Variants in KCTD8 observed in about 807,000 individuals in gnomAD.
KCTD8 encodes the protein potassium channel tetramerization domain containing 8, also known as BTB/POZ domain-containing protein KCTD8.
KCTD8 carries 27 observed loss-of-function variants against 31.5 expected under a neutral mutation model. The ratio of observed to expected loss-of-function variants is 0.86; its 90% CI spans 0.63 to 1.18. The LOEUF (loss-of-function observed/expected upper bound fraction) is 1.18. KCTD8 is among the 50% of genes most tolerant of loss of function. KCTD8 has a pLI of 0.00. For synonymous variants in KCTD8, 290 were observed against 280.0 expected, an observed-to-expected ratio of 1.04 and a Z score of -0.36; for missense variants, 658 against 647.7, an observed-to-expected ratio of 1.02 and a Z score of -0.17.
At chr4:44,182,264 C>G (rs1451277422) in intron 1 of KCTD8, among the ~76,000 whole-genome samples, 7 of 152,160 alleles carry the variant, frequency 4.6e-5, no homozygotes, top group Non-Finnish European at 7.3e-5. Context: ...CCCCTCTGCC[C>G]GGCCACCACC....
chr4:44,346,394 T>C (rs1440596348), intron 1 of KCTD8, among the ~76,000 whole-genome samples: 1 of 152,148 alleles, frequency 6.6e-6, no homozygotes, highest in Admixed American at 6.6e-5. Flanking sequence ...TATTTTAAAT[T>C]CAACTCCCAT....
intron 1 of KCTD8, among the ~76,000 whole-genome samples, chr4:44,180,459 C>A (rs990368337): frequency 6.6e-6 from 1 of 152,064 alleles, no homozygotes; most frequent in African/African-American, 2.4e-5. Flanking sequence ...GGATATCCAT[C>A]CAGGAATGCT....
intron 1 of KCTD8, among the ~76,000 whole-genome samples, chr4:44,186,170 C>G (rs1008353364): frequency 1.3e-5 from 2 of 152,188 alleles, no homozygotes; most frequent in Non-Finnish European, 2.9e-5. Flanking sequence ...GAACAGCACA[C>G]AGGTGGCGAG....
intron 1 of KCTD8, among the ~76,000 whole-genome samples, chr4:44,306,197 TGAA>T (rs1717798776): frequency 6.6e-6 from 1 of 151,772 alleles, no homozygotes. Flanking sequence ...AAATAGAAAA[TGAA>T]GACAAAAACA....
At chr4:44,434,368 C>A (rs140924512) in intron 1 of KCTD8, among the ~76,000 whole-genome samples, 1 of 151,970 alleles carries the variant, frequency 6.6e-6, no homozygotes, top group East Asian at 1.9e-4. Flanking sequence ...ATCCTTGGGG[C>A]AACTCTCTGA....
chr4:44,356,214 C>T (rs1719337888), intron 1 of KCTD8, among the ~76,000 whole-genome samples: 3 of 152,144 alleles, frequency 2.0e-5, no homozygotes, highest in Admixed American at 2.0e-4. Flanking sequence ...GCTTCTCATT[C>T]AACTATAATA....
At chr4:44,424,126 A>G (rs1721288307) in intron 1 of KCTD8, among the ~76,000 whole-genome samples, 3 of 152,108 alleles carry the variant, frequency 2.0e-5, no homozygotes, top group Non-Finnish European at 4.4e-5. Flanking sequence ...TGTCATTATC[A>G]TGAATATCAT....
chr4:44,268,460 A>C (rs1716463864), intron 1 of KCTD8, among the ~76,000 whole-genome samples: 1 of 152,178 alleles, frequency 6.6e-6, no homozygotes, highest in Non-Finnish European at 1.5e-5. Context: ...AAAAACTGGA[A>C]GCATTCCCTT....
At chr4:44,235,113 G>GACAATGATGATGATGATT (rs1381464665) in intron 1 of KCTD8, among the ~76,000 whole-genome samples, 1 of 150,670 alleles carries the variant, frequency 6.6e-6, no homozygotes, top group African/African-American at 2.4e-5. Context: ...TGATGATGAT[G>GACAATGATGATGATGATT]ACAATGATGA....
chr4:44,267,093 T>G (rs1716402085), intron 1 of KCTD8, among the ~76,000 whole-genome samples: 1 of 152,066 alleles, frequency 6.6e-6, no homozygotes, highest in Non-Finnish European at 1.5e-5. Context: ...GAATATACAT[T>G]TTTTTCAGCA....
In KCTD8 at chr4:44,227,667, C is replaced by T. The variant is rs555277822; in HGVS notation, c.962-52417G>A. On this transcript the variant is annotated intron_variant, in intron 1 of 1. Transcript: ENST00000360029. ...ATCTGTGGAGATAAATAATTTAGAACCTCATAAAAATACCATTTAGAAATA... is the reference window on the plus strand; with the variant it reads ...ATCTGTGGAGATAAATAATTTAGAATCTCATAAAAATACCATTTAGAAATA... Among the ~76,000 whole-genome samples the T allele has an allele frequency of 2.0e-5, 3 of 152,164 alleles. No homozygotes were observed. The South Asian group carries it at 6.2e-4, about 32-fold the overall frequency.
intron 1 of KCTD8, among the ~76,000 whole-genome samples, chr4:44,382,521 G>A (rs899728862): frequency 6.6e-6 from 1 of 152,014 alleles, no homozygotes; most frequent in Non-Finnish European, 1.5e-5. Context: ...GAGGTCAACA[G>A]TTCAAGACCA....
At chr4:44,204,531 C>G (rs989743668) in intron 1 of KCTD8, among the ~76,000 whole-genome samples, 1 of 152,260 alleles carries the variant, frequency 6.6e-6, no homozygotes, top group Admixed American at 6.5e-5. Context: ...CATCACGACC[C>G]TCTCACGTGG....
chr4:44,272,446 A>G (rs983145269), intron 1 of KCTD8, among the ~76,000 whole-genome samples: 6 of 152,092 alleles, frequency 3.9e-5, no homozygotes, highest in African/African-American at 1.4e-4. Flanking sequence ...ATTATGAGGC[A>G]CTTTATGAAT....
intron 1 of KCTD8, among the ~76,000 whole-genome samples, chr4:44,256,382 T>C (rs914894336): frequency 3.3e-5 from 5 of 151,982 alleles, no homozygotes; most frequent in African/African-American, 1.2e-4. Context: ...TATACATATA[T>C]TTGTAAAAAC....
chr4:44,351,005 C>T (rs1192100847), intron 1 of KCTD8, among the ~76,000 whole-genome samples: 2 of 152,102 alleles, frequency 1.3e-5, no homozygotes, highest in African/African-American at 2.4e-5. Flanking sequence ...CTCAATATGT[C>T]AATTTTATTC....
At chr4:44,341,157 CA>C (rs1332646771) in intron 1 of KCTD8, among the ~76,000 whole-genome samples, 1 of 152,078 alleles carries the variant, frequency 6.6e-6, no homozygotes, top group Non-Finnish European at 1.5e-5. Flanking sequence ...ATTAAATATG[CA>C]ATAGCACTAT....
At chr4:44,347,833 C>A (rs747708335) in intron 1 of KCTD8, among the ~76,000 whole-genome samples, 1 of 152,138 alleles carries the variant, frequency 6.6e-6, no homozygotes, top group East Asian at 1.9e-4. Flanking sequence ...GCAATGCAGG[C>A]AGCCACATGT....
intron 1 of KCTD8, among the ~76,000 whole-genome samples, chr4:44,296,195 T>C (rs1717426125): frequency 6.6e-6 from 1 of 152,162 alleles, no homozygotes; most frequent in African/African-American, 2.4e-5. Context: ...TAATTTAGTT[T>C]CCTCACCCTC....
Sources: allele counts gnomAD v4.1 joint callset (sites outside exome capture counted in the v4.1 genomes callset), GRCh38; gene constraint gnomAD v4.1.1; transcripts MANE v1.5; gene names NCBI Gene and HGNC (gene_info 2026-07-23, HGNC 2026-07-21).